The following KLF12 variants were observed in gnomAD, a reference collection of about 807,000 sequenced individuals.
KLF12 encodes the protein KLF transcription factor 12, also known as Krueppel-like factor 12.
In KLF12, 9 loss-of-function variants were observed where a neutral mutation model predicts 37.8. The observed-to-expected ratio is 0.24, with a 90% CI of 0.14 to 0.42. The LOEUF (loss-of-function observed/expected upper bound fraction) is 0.42. Among genes scored for constraint, KLF12 ranks in the 10% least tolerant of loss-of-function variants. The probability of loss-of-function intolerance (pLI) is 1.00; values close to 1 mark genes in which losing one functional copy is unlikely to be tolerated. For synonymous variants in KLF12, 208 were observed against 202.1 expected, an observed-to-expected ratio of 1.03 and a Z score of -0.25; for missense variants, 411 against 516.0, an observed-to-expected ratio of 0.80 and a Z score of 1.97.
rs966921925 is a variant in KLF12 at position 74,002,791 on chromosome 13, T to C, written c.-31-7738A>G. On this transcript the variant is annotated intron_variant, in intron 1 of 7. Transcript: ENST00000377669. ...GGTAATAAAAGTCACTGATTTATAA[T>C]AGTGATGCACATTACATGGCAAACA... 5.9e-5 allele frequency among the ~76,000 whole-genome samples: 9 copies of C among 152,264 alleles called. No individual in the cohort carries two copies. The East Asian group carries it at 1.2e-3, about 20-fold the overall frequency.
At chr13:74,069,443 C>T (rs1263898637) in intron 1 of KLF12, among the ~76,000 whole-genome samples, 4 of 152,086 alleles carry the variant, frequency 2.6e-5, no homozygotes, top group African/African-American at 9.7e-5. Context: ...AGATGAGGTA[C>T]GAAGGCACAT....
At chr13:74,012,652 T>C (rs1892580476) in intron 1 of KLF12, among the ~76,000 whole-genome samples, 1 of 152,242 alleles carries the variant, frequency 6.6e-6, no homozygotes, top group African/African-American at 2.4e-5. Flanking sequence ...TATCTTACTG[T>C]TGCTTCTAGT....
intron 3 of KLF12, among the ~76,000 whole-genome samples, chr13:73,917,095 A>C (rs1332443921): frequency 6.6e-6 from 1 of 152,198 alleles, no homozygotes; most frequent in African/African-American, 2.4e-5. Flanking sequence ...GCATCACCAA[A>C]AATTCACTAT....
intron 5 of KLF12, among the ~76,000 whole-genome samples, chr13:73,793,726 C>G (rs1299426446): frequency 6.6e-6 from 1 of 152,174 alleles, no homozygotes; most frequent in Non-Finnish European, 1.5e-5. Flanking sequence ...ATTCCAAACT[C>G]TTATTTAAAT....
the KLF12 span, among the ~76,000 whole-genome samples, chr13:74,217,788 G>A: frequency 2.0e-5 from 3 of 152,220 alleles, no homozygotes; most frequent in Non-Finnish European, 1.5e-5. Flanking sequence ...GAAACATGGA[G>A]AATGCTACAA....
At chr13:74,219,439 C>T in the KLF12 span, among the ~76,000 whole-genome samples, 6 of 152,124 alleles carry the variant, frequency 3.9e-5, no homozygotes, top group Admixed American at 2.6e-4. Context: ...CAATAATCTC[C>T]TATTGATGTA....
At chr13:73,829,563 A>G (rs1884040675) in intron 4 of KLF12, among the ~76,000 whole-genome samples, 2 of 152,202 alleles carry the variant, frequency 1.3e-5, no homozygotes, top group South Asian at 2.1e-4. Context: ...ACATTTATAC[A>G]TAGATGCATA....
chr13:73,941,573 T>C (rs2139354444), intron 3 of KLF12, among the ~76,000 whole-genome samples: 1 of 152,248 alleles, frequency 6.6e-6, no homozygotes, highest in Admixed American at 6.5e-5. Flanking sequence ...AGTTCTAAGA[T>C]TCTGAACATT....
intron 1 of KLF12, among the ~76,000 whole-genome samples, chr13:74,108,118 C>T (rs538592279): frequency 2.7e-4 from 41 of 152,230 alleles, no homozygotes; most frequent in African/African-American, 9.9e-4. Context: ...TTATAACTCA[C>T]AATAGAGATC....
chr13:73,718,334 G>A (rs1875970754), intron 6 of KLF12, among the ~76,000 whole-genome samples: 1 of 152,276 alleles, frequency 6.6e-6, no homozygotes, highest in South Asian at 2.1e-4. Context: ...TAAATATAGG[G>A]CAGGCAGAGA....
At chr13:73,853,378 A>G (rs1192978575) in intron 3 of KLF12, among the ~76,000 whole-genome samples, 1 of 152,196 alleles carries the variant, frequency 6.6e-6, no homozygotes, top group Admixed American at 6.6e-5. Context: ...GGTTTGGCCC[A>G]TGTGTGTGAT....
chr13:74,008,011 G>C (rs1165180285), intron 1 of KLF12, among the ~76,000 whole-genome samples: 2 of 152,072 alleles, frequency 1.3e-5, no homozygotes, highest in African/African-American at 2.4e-5. Context: ...CAGTTACATT[G>C]AGAGAGTGAC....
At chr13:74,241,765 C>T in the KLF12 span, among the ~76,000 whole-genome samples, 6 of 152,198 alleles carry the variant, frequency 3.9e-5, no homozygotes, top group African/African-American at 1.4e-4. Flanking sequence ...ACTCCCTGAC[C>T]CCTTCCCAAG....
intron 5 of KLF12, among the ~76,000 whole-genome samples, chr13:73,807,232 C>T (rs1201044659): frequency 6.6e-6 from 1 of 151,862 alleles, no homozygotes; most frequent in Non-Finnish European, 1.5e-5. Flanking sequence ...TCGCTTGAAC[C>T]CAGGAGGTGG....
intron 7 of KLF12, 54 bp from the exon 8 acceptor site, chr13:73,695,725 A>G: frequency 6.5e-7 from 1 of 1,541,480 alleles, no homozygotes; most frequent in Non-Finnish European, 8.9e-7. Flanking sequence ...ACTTTGCCAT[A>G]ACCAGGCCAG....
Position 73,809,334 on chromosome 13 carries a change from T to G in KLF12, c.806+3818A>C, listed in dbSNP as rs183925739. On this transcript the variant is annotated intron_variant, in intron 5 of 7. Coordinates refer to ENST00000377669, the MANE Select transcript of KLF12 (RefSeq NM_007249.5). ...GGGTTTTTTTTGTTGTTGACAGCCT[T>G]TAAGTTTACAGAAGTCATCAAGATA... 5.9e-3 allele frequency among the ~76,000 whole-genome samples: 895 copies of G among 150,626 alleles called. 12 individuals carry two copies. The highest frequency in any genetic ancestry group is 0.021 in the African/African-American group (846 of 41,060).
At chr13:74,214,750 G>A in the KLF12 span, among the ~76,000 whole-genome samples, 1 of 151,742 alleles carries the variant, frequency 6.6e-6, no homozygotes, top group Admixed American at 6.6e-5. Context: ...AATAGGCAAT[G>A]TTTTCTTTTT....
the KLF12 span, among the ~76,000 whole-genome samples, chr13:74,146,124 C>T: frequency 6.6e-6 from 1 of 152,202 alleles, no homozygotes; most frequent in East Asian, 1.9e-4. Flanking sequence ...GCATTAATAG[C>T]CAGCAAAGCA....
intron 6 of KLF12, among the ~76,000 whole-genome samples, chr13:73,746,068 C>CAAA (rs10568862): frequency 7.6e-6 from 1 of 130,958 alleles, no homozygotes; most frequent in Non-Finnish European, 1.7e-5. Context: ...AGGAAACCAC[C>CAAA]AAAAAAAAAA....
Sources: gnomAD v4.1 joint callset for allele counts (sites outside exome capture counted in the v4.1 genomes callset) on GRCh38, gnomAD v4.1.1 for gene constraint, MANE v1.5 for transcripts, NCBI Gene and HGNC (gene_info 2026-07-23, HGNC 2026-07-21) for gene names.